The following FAM53B variants were observed in gnomAD, a reference collection of about 807,000 sequenced individuals.
FAM53B encodes the protein protein FAM53B.
FAM53B carries 12 observed loss-of-function variants against 32.7 expected under a neutral mutation model. That is an observed-to-expected ratio of 0.37 (90% CI 0.24 to 0.59). FAM53B has a LOEUF of 0.59. FAM53B is among the 20% of genes least tolerant of loss of function. The pLI is 0.72. For missense variants in FAM53B, 477 were observed against 577.7 expected, an observed-to-expected ratio of 0.83 and a Z score of 1.79; for synonymous variants, 234 against 228.7, an observed-to-expected ratio of 1.02 and a Z score of -0.21.
rs1843353622 is a variant in FAM53B, at chr10:124,620,531, T to G, written c.*2711A>C. On this transcript the variant is annotated 3_prime_UTR_variant, in exon 5 of 5. Coordinates refer to ENST00000337318, the MANE Select transcript of FAM53B (RefSeq NM_014661.4). ...TAAGGCTCCTGCCACTGCCCCCAGC[T>G]GGGGCCATCATGCTGGTGGGGGTGA... 1 of 152,326 alleles carries G rather than the reference T, an allele frequency of 6.6e-6. No individual in the cohort carries two copies. The highest frequency in any genetic ancestry group is 6.5e-5 in the Admixed American group (1 of 15,286). 9.4% of individuals were successfully genotyped at this position (152,326 alleles called of 1,614,324 possible).
intron 2 of FAM53B, among the ~76,000 whole-genome samples, chr10:124,700,295 C>T (rs766973337): frequency 6.6e-6 from 1 of 152,220 alleles, no homozygotes; most frequent in Non-Finnish European, 1.5e-5. Context: ...CATTCCTATA[C>T]ACACGGCCTT....
chr10:124,642,803 G>A (rs1416765219), intron 4 of FAM53B, among the ~76,000 whole-genome samples: 1 of 152,238 alleles, frequency 6.6e-6, no homozygotes, highest in East Asian at 1.9e-4. Context: ...GCAGGGTGGA[G>A]GTCGGTCTAG....
Position 124,619,630 on chromosome 10 carries a change from C to T in FAM53B, c.*3612G>A, listed in dbSNP as rs886226621. 2 of 152,134 alleles carry T rather than the reference C, an allele frequency of 1.3e-5. No individual in the cohort carries two copies. The highest frequency in any genetic ancestry group is 1.3e-4 in the Admixed American group (2 of 15,254). 9.4% of individuals were successfully genotyped at this position (152,134 alleles called of 1,614,324 possible). A position where few individuals can be genotyped will look rare whatever the true frequency, so the allele number is the denominator to read the frequency against. On this transcript the variant is annotated 3_prime_UTR_variant, in exon 5 of 5. Transcript: ENST00000337318. ...AGGTCAGACTATCCTATCTAGGCTA[C>T]AAGATCTCCACTTCGGTCTGCCATT...
At chr10:124,664,534 C>T (rs1009662208) in intron 4 of FAM53B, among the ~76,000 whole-genome samples, 14 of 152,222 alleles carry the variant, frequency 9.2e-5, no homozygotes, top group Admixed American at 2.6e-4. Flanking sequence ...GTCTTCAAAA[C>T]CCGCAGGGCT....
chr10:124,691,026 CT>C (rs1949829572), intron 3 of FAM53B, among the ~76,000 whole-genome samples: 1 of 152,148 alleles, frequency 6.6e-6, no homozygotes, highest in African/African-American at 2.4e-5. Context: ...TTTATTTGTT[CT>C]AAGAATCAAA....
chr10:124,741,635 G>A (rs528585447), intron 1 of FAM53B, among the ~76,000 whole-genome samples: 1 of 152,312 alleles, frequency 6.6e-6, no homozygotes, highest in Admixed American at 6.5e-5. Flanking sequence ...AGAGGATGGA[G>A]AGGCTAGCGG....
At chr10:124,675,246 A>G (rs370289254) in intron 4 of FAM53B, among the ~76,000 whole-genome samples, 35 of 152,084 alleles carry the variant, frequency 2.3e-4, no homozygotes, top group East Asian at 5.8e-4. Context: ...ACAGAGCAAC[A>G]CTCCGTCAAA....
At chr10:124,669,063 C>T (rs1202171559) in intron 4 of FAM53B, among the ~76,000 whole-genome samples, 2 of 152,218 alleles carry the variant, frequency 1.3e-5, no homozygotes, top group Non-Finnish European at 2.9e-5. Flanking sequence ...GGACCTCCTC[C>T]CCGCCATTCA....
At chr10:124,730,452 A>G (rs1950135503) in intron 1 of FAM53B, among the ~76,000 whole-genome samples, 1 of 152,242 alleles carries the variant, frequency 6.6e-6, no homozygotes, top group African/African-American at 2.4e-5. Flanking sequence ...CCTCTGCCAC[A>G]GCAGACATTT....
chr10:124,708,000 A>C (rs1949973247), intron 1 of FAM53B: 1 of 152,108 alleles, frequency 6.6e-6, no homozygotes, highest in Non-Finnish European at 1.5e-5. Context: ...GGTTTGAAAA[A>C]TCCCTCCTTA....
chr10:124,641,562 T>C (rs778688951), intron 4 of FAM53B, among the ~76,000 whole-genome samples: 2 of 152,240 alleles, frequency 1.3e-5, no homozygotes, highest in Non-Finnish European at 2.9e-5. Flanking sequence ...GTGTCATCAC[T>C]GAGGCCCATG....
intron 1 of FAM53B, among the ~76,000 whole-genome samples, chr10:124,743,392 C>A (rs1465063315): frequency 6.6e-6 from 1 of 152,214 alleles, no homozygotes; most frequent in African/African-American, 2.4e-5. Flanking sequence ...CCCCACTCCG[C>A]AAGCCCCAGC....
chr10:124,652,537 C>T (rs941865154), intron 4 of FAM53B, among the ~76,000 whole-genome samples: 3 of 152,248 alleles, frequency 2.0e-5, no homozygotes, highest in Admixed American at 6.5e-5. Flanking sequence ...AGCCACTTCC[C>T]TCCTCTGGCC....
At chr10:124,730,162 TTC>T (rs1191287759) in intron 1 of FAM53B, among the ~76,000 whole-genome samples, 2 of 152,240 alleles carry the variant, frequency 1.3e-5, no homozygotes, top group Non-Finnish European at 2.9e-5. Flanking sequence ...ACATGGTCAT[TTC>T]ATCAGACCAT....
intron 4 of FAM53B, among the ~76,000 whole-genome samples, chr10:124,671,958 G>A (rs1589745891): frequency 6.6e-6 from 1 of 152,200 alleles, no homozygotes; most frequent in Non-Finnish European, 1.5e-5. Context: ...TGTTCTTCGT[G>A]TGGCATTTGC....
rs538805205 is a variant in FAM53B at position 124,630,464 on chromosome 10, A to C, written c.907-6860T>G. ...CATCATGCCCAGCCCATTTTTGTGAAATGCTTACCACCTTTGGACCCCAAA... is the reference window on the plus strand; with the variant it reads ...CATCATGCCCAGCCCATTTTTGTGACATGCTTACCACCTTTGGACCCCAAA... On this transcript the variant is annotated intron_variant, in intron 4 of 4. Coordinates refer to ENST00000337318, the MANE Select transcript of FAM53B (RefSeq NM_014661.4). Among the ~76,000 whole-genome samples, 3 of 152,284 alleles carry C rather than the reference A, an allele frequency of 2.0e-5. No individual in the cohort carries two copies. In the East Asian group the frequency reaches 5.8e-4, roughly 29 times the overall value.
At chr10:124,725,562 C>G (rs1444381030) in intron 1 of FAM53B, among the ~76,000 whole-genome samples, 1 of 152,208 alleles carries the variant, frequency 6.6e-6, no homozygotes, top group Non-Finnish European at 1.5e-5. Context: ...GTCAGCTCGA[C>G]CCAAATGCGG....
At chr10:124,741,311 T>G (rs1950198050) in intron 1 of FAM53B, among the ~76,000 whole-genome samples, 1 of 152,222 alleles carries the variant, frequency 6.6e-6, no homozygotes, top group Admixed American at 6.5e-5. Context: ...CAGAAGAGTT[T>G]TCCATACAAT....
chr10:124,730,526 G>A (rs1272628813), intron 1 of FAM53B, among the ~76,000 whole-genome samples: 1 of 152,234 alleles, frequency 6.6e-6, no homozygotes, highest in African/African-American at 2.4e-5. Context: ...GGAAGGTCCA[G>A]TGTCTTTTCT....
Sources: gnomAD v4.1 joint callset for allele counts (sites outside exome capture counted in the v4.1 genomes callset) on GRCh38, gnomAD v4.1.1 for gene constraint, MANE v1.5 for transcripts, NCBI Gene and HGNC (gene_info 2026-07-23, HGNC 2026-07-21) for gene names.